The following LHX6 variants were observed in gnomAD, a reference collection of about 807,000 sequenced individuals.
LHX6 encodes the protein LIM homeobox 6.
In LHX6, 15 loss-of-function variants were observed where a neutral mutation model predicts 47.1. That is an observed-to-expected ratio of 0.32 (90% CI 0.21 to 0.49). The LOEUF (loss-of-function observed/expected upper bound fraction) is 0.49. LHX6 is among the 20% of genes least tolerant of loss of function. The pLI is 0.99. For synonymous variants in LHX6, 242 were observed against 233.5 expected, an observed-to-expected ratio of 1.04 and a Z score of -0.33; for missense variants, 404 against 539.6, an observed-to-expected ratio of 0.75 and a Z score of 2.49.
Position 122,213,540 on chromosome 9 carries a change from C to T in LHX6, c.1054+66G>A, listed in dbSNP as rs955551720. The T allele has an allele frequency of 7.0e-6, 10 of 1,433,226 alleles. No individual in the cohort carries two copies. The East Asian group carries it at 2.4e-4, about 34-fold the overall frequency. The allele number at this position is 1,433,226 out of a possible 1,614,324, so 88.8% of individuals were successfully genotyped here. On this transcript the variant is annotated intron_variant, in intron 8 of 9. Coordinates refer to ENST00000394319, the MANE Select transcript of LHX6 (RefSeq NM_014368.5). The surrounding 1 kb of genome is among the most constrained non-coding windows in gnomAD (Gnocchi z 5.5). Reference sequence around the variant, plus strand: ...CCACCCCACGCCTCGGCCTCAGCCGCCCACGTGCGCTCCTCCGCGCCCCCT... The same window carrying T: ...CCACCCCACGCCTCGGCCTCAGCCGTCCACGTGCGCTCCTCCGCGCCCCCT...
At chr9:122,215,576 T>A (rs1830564957) in intron 5 of LHX6, among the ~76,000 whole-genome samples, 1 of 152,214 alleles carries the variant, frequency 6.6e-6, no homozygotes, top group Admixed American at 6.5e-5. Flanking sequence ...AAGGAGCCTG[T>A]GGTCGCTGAT....
In LHX6 at chr9:122,228,857, G is replaced by GCCCCGCCGC; in HGVS notation, c.-126_-118dup. 3 of 587,154 alleles carry GCCCCGCCGC rather than the reference G, an allele frequency of 5.1e-6. No homozygotes were observed. The highest frequency in any genetic ancestry group is 2.4e-6 in the Non-Finnish European group (1 of 425,308). The allele number at this position is 587,154 out of a possible 1,614,324, so 36.4% of individuals were successfully genotyped here. On this transcript the variant is annotated 5_prime_UTR_variant, in exon 1 of 10. Transcript: ENST00000394319. ...GAGCAGGAGGAGAGCCGAGGCGCCG[G>GCCCCGCCGC]CCCCGCCGCCCCGGGCCCGGCCTCA...
intron 9 of LHX6, among the ~76,000 whole-genome samples, chr9:122,205,933 T>G (rs1276606318): frequency 6.7e-6 from 1 of 149,412 alleles, no homozygotes; most frequent in South Asian, 2.3e-4. Flanking sequence ...GTGGCCAGGG[T>G]GGGCATTCCT....
At position 122,209,646 on chromosome 9, in the gene LHX6, T is replaced by C. The variant is rs549579918; in HGVS notation, c.1126A>G (p.Met376Val). ...TAPPVHLKAD[M>V]DGPLSNRGEK... ...CCCCGGTTGGAGAGCGGCCCATCCATATCGGCTTTGAGGTGGACGGGGGGT... is the reference window on the plus strand; with the variant it reads ...CCCCGGTTGGAGAGCGGCCCATCCACATCGGCTTTGAGGTGGACGGGGGGT... Residue 376 changes from methionine (M) to valine (V), a missense_variant, in exon 9 of 10, where the codon ATG becomes GTG. Physicochemically the swap from Met to Val is conservative, Grantham distance 21. Around this residue, in one of 7 missense-constraint regions of LHX6, gnomAD observed 127 missense variants for 116.1 expected, o/e 1.09. Transcript: ENST00000394319. 2 of 1,548,510 alleles carry C rather than the reference T, an allele frequency of 1.3e-6. No individual in the cohort carries two copies. The highest frequency in any genetic ancestry group is 2.2e-5 in the East Asian group (1 of 44,590).
chr9:122,210,421 C>T (rs1311166270), intron 8 of LHX6, among the ~76,000 whole-genome samples: 1 of 152,216 alleles, frequency 6.6e-6, no homozygotes, highest in African/African-American at 2.4e-5. Context: ...TTAGGTATCA[C>T]CATGACTTTA....
intron 4 of LHX6, among the ~76,000 whole-genome samples, chr9:122,225,809 A>G (rs149630645): frequency 1.5e-3 from 227 of 152,268 alleles, no homozygotes; most frequent in Middle Eastern, 3.4e-3. Context: ...GCGCTTGGGT[A>G]TGGGATCGGA....
Position 122,228,525 on chromosome 9 carries a change from A to G in LHX6, c.84+132T>C, listed in dbSNP as rs1831207740. 3 of 1,252,934 alleles carry G rather than the reference A, an allele frequency of 2.4e-6. No individual in the cohort carries two copies. The East Asian group carries it at 1.0e-4, about 43-fold the overall frequency. The allele number at this position is 1,252,934 out of a possible 1,614,324, so 77.6% of individuals were successfully genotyped here. On this transcript the variant is annotated intron_variant, in intron 1 of 9. Transcript: ENST00000394319. ...CTCGCGCGCGCGCTCCCACACTCAC[A>G]AGCACACACTCACAGGCGCACCCTC...
At chr9:122,221,316 G>T in intron 4 of LHX6, 1 of 985,452 alleles carries the variant, frequency 1.0e-6, no homozygotes, top group Non-Finnish European at 1.2e-6. Flanking sequence ...CTCCCCTCTC[G>T]GCTCCCCCAA....
chr9:122,209,413 G>A (rs1007893621), intron 9 of LHX6, among the ~76,000 whole-genome samples: 4 of 152,222 alleles, frequency 2.6e-5, no homozygotes, highest in Admixed American at 6.5e-5. Flanking sequence ...GGAGGCCTTC[G>A]GAGTGGCCAT....
Position 122,213,476 on chromosome 9 carries a change from G to A in LHX6, c.1054+130C>T, listed in dbSNP as rs966552638. ...CCAACTCCTAGATCCAAATGACTTCGGGTCCCGCTTCTTCACCCACGAGGC... is the reference window on the plus strand; with the variant it reads ...CCAACTCCTAGATCCAAATGACTTCAGGTCCCGCTTCTTCACCCACGAGGC... On this transcript the variant is annotated intron_variant, in intron 8 of 9. Coordinates refer to ENST00000394319, the MANE Select transcript of LHX6 (RefSeq NM_014368.5). This position sits in a 1 kb window ranked among gnomAD's most constrained non-coding sequence, Gnocchi z 5.5. The A allele has an allele frequency of 2.6e-6, 2 of 780,952 alleles. No individual in the cohort carries two copies. The highest frequency in any genetic ancestry group is 3.0e-5 in the Admixed American group (1 of 32,946). The allele number at this position is 780,952 out of a possible 1,614,324, so 48.4% of individuals were successfully genotyped here.
At chr9:122,206,731 T>G (rs764283015) in intron 9 of LHX6, among the ~76,000 whole-genome samples, 8 of 152,046 alleles carry the variant, frequency 5.3e-5, no homozygotes, top group Non-Finnish European at 1.0e-4. Context: ...CCTCTGTACC[T>G]CCAGGGCCCA....
At chr9:122,207,562 A>G (rs1025181951) in intron 9 of LHX6, among the ~76,000 whole-genome samples, 2 of 152,198 alleles carry the variant, frequency 1.3e-5, no homozygotes, top group African/African-American at 4.8e-5. Flanking sequence ...TGGATGTGAC[A>G]GTCTCAGCGG....
rs1288036654 is a variant in LHX6, at chr9:122,226,653, T to C, written c.340-156A>G. On this transcript the variant is annotated intron_variant, in intron 3 of 9. Coordinates refer to ENST00000394319, the MANE Select transcript of LHX6 (RefSeq NM_014368.5). The surrounding 1 kb of genome is among the most constrained non-coding windows in gnomAD (Gnocchi z 6.5). ...CCCGTAATACTGAGACTCAGGGAAA[T>C]GGAAATAAACTCTTCTTATTTTTCA... The C allele has an allele frequency of 3.1e-6, 4 of 1,286,990 alleles. No individual in the cohort carries two copies. The highest frequency in any genetic ancestry group is 4.2e-6 in the Non-Finnish European group (4 of 946,430). The allele number at this position is 1,286,990 out of a possible 1,614,324, so 79.7% of individuals were successfully genotyped here.
Position 122,214,183 on chromosome 9 carries a change from C to CA in LHX6, c.783+99dup. On this transcript the variant is annotated intron_variant, in intron 6 of 9. Coordinates refer to ENST00000394319, the MANE Select transcript of LHX6 (RefSeq NM_014368.5). The surrounding 1 kb of genome is among the most constrained non-coding windows in gnomAD (Gnocchi z 4.6). ...CCAGGCAGCTGCGGCCCCGCCCCGC[C>CA]ACCCGGGTCCGGCCCGAGGGGCGGA... is the stretch of plus-strand genomic sequence containing the variant. 7.4e-7 allele frequency: 1 copy of CA among 1,357,254 alleles called. No homozygotes were observed. Among genetic ancestry groups the CA allele is most frequent in the Non-Finnish European group, 9.8e-7 (1 of 1,016,044 alleles). 84.1% of individuals were successfully genotyped at this position (1,357,254 alleles called of 1,614,324 possible).
chr9:122,216,708 G>A (rs1325743056), intron 5 of LHX6, among the ~76,000 whole-genome samples: 1 of 152,062 alleles, frequency 6.6e-6, no homozygotes, highest in Non-Finnish European at 1.5e-5. Context: ...GCCAATGAGA[G>A]CTGTCCAAAG....
chr9:122,226,967 A>G lies in LHX6; in HGVS notation c.220T>C (p.Cys74Arg), dbSNP rs748326948. ...CAGACAGATGGCGTGCTGGGCGTAC[A>G]TGGGGAGGCCTGACCCTCGTCCTTG... ...LDKDEGQASP[C>R]TPSTPSVCSP... The change falls in exon 3 of 10, where the codon TGT becomes CGT. Residue 74 changes from cysteine to arginine, a missense_variant. Around this residue, in one of 7 missense-constraint regions of LHX6, gnomAD observed 144 missense variants for 128.7 expected, o/e 1.12. Transcript: ENST00000394319. This position sits in a 1 kb window ranked among gnomAD's most constrained non-coding sequence, Gnocchi z 6.5. 1 of 1,552,076 alleles carries G rather than the reference A, an allele frequency of 6.4e-7. No individual in the cohort carries two copies. Among genetic ancestry groups the G allele is most frequent in the Non-Finnish European group, 8.7e-7 (1 of 1,147,996 alleles).
intron 4 of LHX6, among the ~76,000 whole-genome samples, chr9:122,220,295 G>A (rs1039987117): frequency 5.9e-5 from 9 of 152,336 alleles, no homozygotes; most frequent in African/African-American, 2.2e-4. Context: ...ATCCTCCTGT[G>A]CTCCTCGTGG....
chr9:122,204,650 G>T lies in LHX6; in HGVS notation c.*110C>A. 1.5e-6 allele frequency: 2 copies of T among 1,340,470 alleles called. No homozygotes were observed. Among genetic ancestry groups the T allele is most frequent in the Non-Finnish European group, 2.1e-6 (2 of 968,890 alleles). The allele number at this position is 1,340,470 out of a possible 1,614,324, so 83.0% of individuals were successfully genotyped here. A position where few individuals can be genotyped will look rare whatever the true frequency, so the allele number is the denominator to read the frequency against. The stretch of plus-strand genomic sequence containing the variant: ...TGGTGGTGGGCAGGATGGCGGACGG[G>T]GGTGGATGCGGAGGTGGGTGGACTC... On this transcript the variant is annotated 3_prime_UTR_variant, in exon 10 of 10. Transcript: ENST00000394319.
chr9:122,208,854 A>AG (rs888944006), intron 9 of LHX6, among the ~76,000 whole-genome samples: 3 of 128,984 alleles, frequency 2.3e-5, no homozygotes, highest in Non-Finnish European at 5.1e-5. Context: ...AAAAAAAAAA[A>AG]AAAGCAAGGT....
Sources: gnomAD v4.1 joint callset for allele counts (sites outside exome capture counted in the v4.1 genomes callset) on GRCh38, gnomAD v4.1.1 for gene constraint, gnomAD v4.1.1 regional missense constraint, Gnocchi (gnomAD v3.1) non-coding constraint, MANE v1.5 for transcripts, NCBI Gene and HGNC (gene_info 2026-07-23, HGNC 2026-07-21) for gene names.